Variants in TAFA2 observed in about 807,000 individuals in gnomAD.
TAFA2 encodes the protein TAFA chemokine like family member 2.
In TAFA2, 7 loss-of-function variants were observed where a neutral mutation model predicts 18.8. That is an observed-to-expected ratio of 0.37 (90% CI 0.21 to 0.70). The LOEUF (loss-of-function observed/expected upper bound fraction) is 0.70, where lower values mean the gene tolerates loss of function less well. Among genes scored for constraint, TAFA2 ranks in the 30% least tolerant of loss-of-function variants. The pLI, the probability that TAFA2 is intolerant of heterozygous loss-of-function variation, is 0.53. For synonymous variants in TAFA2, 60 were observed against 54.2 expected, an observed-to-expected ratio of 1.11 and a Z score of -0.47; for missense variants, 122 against 158.1, an observed-to-expected ratio of 0.77 and a Z score of 1.23.
chr12:62,016,452 C>T (rs529574976), intron 1 of TAFA2, among the ~76,000 whole-genome samples: 372 of 152,254 alleles, frequency 2.4e-3, no homozygotes, highest in African/African-American at 8.1e-3. Flanking sequence ...CCTAAGGACA[C>T]AACTGCCAGA....
intron 1 of TAFA2, among the ~76,000 whole-genome samples, chr12:62,033,556 C>A (rs1008858448): frequency 1.1e-4 from 16 of 152,284 alleles, no homozygotes; most frequent in African/African-American, 2.9e-4. Flanking sequence ...TCACCTAATT[C>A]TCTATCCATC....
intron 1 of TAFA2, among the ~76,000 whole-genome samples, chr12:62,095,892 T>C (rs1868928951): frequency 1.3e-5 from 2 of 152,148 alleles, no homozygotes; most frequent in South Asian, 4.1e-4. Flanking sequence ...TGTGAGCATT[T>C]AATATTTAAA....
intron 1 of TAFA2, among the ~76,000 whole-genome samples, chr12:62,243,506 C>G (rs541948742): frequency 6.6e-6 from 1 of 152,268 alleles, no homozygotes; most frequent in South Asian, 2.1e-4. Context: ...AAGGCTACCA[C>G]TTATGGACTG....
chr12:62,096,558 A>C (rs758528497), intron 1 of TAFA2, among the ~76,000 whole-genome samples: 12 of 152,136 alleles, frequency 7.9e-5, no homozygotes, highest in Non-Finnish European at 1.3e-4. Flanking sequence ...TATAAATCCC[A>C]ATTACTATTT....
chr12:61,880,495 C>T, intron 1 of TAFA2: 1 of 531,470 alleles, frequency 1.9e-6, no homozygotes, highest in East Asian at 5.3e-5. Context: ...CTGCCACCTA[C>T]AAGAAGCTGC....
At chr12:61,851,811 A>AAAAAAAAAAAAAT (rs1873672611) in intron 2 of TAFA2, among the ~76,000 whole-genome samples, 1 of 145,646 alleles carries the variant, frequency 6.9e-6, no homozygotes, top group Non-Finnish European at 1.5e-5. Context: ...AAAAAAAAAA[A>AAAAAAAAAAAAAT]AAAAAAACAT....
intron 1 of TAFA2, chr12:61,879,638 A>T (rs1429626529): frequency 2.3e-6 from 2 of 888,048 alleles, no homozygotes; most frequent in Non-Finnish European, 3.8e-6. Flanking sequence ...TGCCTCCTTC[A>T]TCGACAAGGT....
chr12:62,210,185 CTAAATAAA>C (rs56194828), intron 1 of TAFA2, among the ~76,000 whole-genome samples: 297 of 144,430 alleles, frequency 2.1e-3, no homozygotes, highest in East Asian at 7.8e-3. Flanking sequence ...GACTCTGTCT[CTAAATAAA>C]TAAATAAATA....
chr12:61,961,697 T>C (rs1380564909), intron 1 of TAFA2, among the ~76,000 whole-genome samples: 1 of 152,020 alleles, frequency 6.6e-6, no homozygotes, highest in Non-Finnish European at 1.5e-5. Flanking sequence ...GCTATTCCTT[T>C]TACTCCTTCT....
At chr12:62,041,391 A>T (rs997605225) in intron 1 of TAFA2, among the ~76,000 whole-genome samples, 1 of 152,174 alleles carries the variant, frequency 6.6e-6, no homozygotes, top group African/African-American at 2.4e-5. Flanking sequence ...TCCATGAAAA[A>T]AGTTATTAAA....
At chr12:61,857,436 T>C (rs1182349617) in intron 2 of TAFA2, among the ~76,000 whole-genome samples, 2 of 152,224 alleles carry the variant, frequency 1.3e-5, no homozygotes, top group African/African-American at 4.8e-5. Context: ...AAGCTTTATA[T>C]ACTTCTGCAA....
intron 1 of TAFA2, among the ~76,000 whole-genome samples, chr12:62,189,109 G>A (rs1920089): frequency 0.88 from 133,631 of 152,130 alleles, 58,788 homozygotes; most frequent in Middle Eastern, 0.93. Context: ...GACACATATC[G>A]TAGCACTCTA....
intron 1 of TAFA2, among the ~76,000 whole-genome samples, chr12:61,930,403 G>T (rs1320159753): frequency 6.6e-6 from 1 of 152,184 alleles, no homozygotes; most frequent in Non-Finnish European, 1.5e-5. Flanking sequence ...AATAATAGTA[G>T]AAGACATGCA....
In TAFA2 at chr12:61,923,382, C is replaced by T. The variant is rs533570336; in HGVS notation, c.-1-55956G>A. On this transcript the variant is annotated intron_variant, in intron 1 of 4. Transcript: ENST00000416284. Reference sequence around the variant, plus strand: ...CAGGTCCCCCTCTGGGATGAAAGTTCGAGAGGAAGGAACAGGTAGCAATCT... The same window carrying T: ...CAGGTCCCCCTCTGGGATGAAAGTTTGAGAGGAAGGAACAGGTAGCAATCT... Among the ~76,000 whole-genome samples the T allele has an allele frequency of 1.8e-4, 27 of 152,258 alleles. 1 individual carries two copies. Among genetic ancestry groups the T allele is most frequent in the Admixed American group, 1.1e-3 (17 of 15,284 alleles).
At chr12:62,238,769 T>C (rs182342289) in intron 1 of TAFA2, among the ~76,000 whole-genome samples, 10 of 152,324 alleles carry the variant, frequency 6.6e-5, no homozygotes, top group Non-Finnish European at 1.3e-4. Flanking sequence ...CTAAACCTAA[T>C]CTATAATGAC....
At chr12:61,911,193 C>A (rs888479782) in intron 1 of TAFA2, among the ~76,000 whole-genome samples, 1 of 152,128 alleles carries the variant, frequency 6.6e-6, no homozygotes. Flanking sequence ...AAAAAAATAG[C>A]AATTTACCAT....
intron 1 of TAFA2, among the ~76,000 whole-genome samples, chr12:62,177,761 C>T (rs1294123134): frequency 6.6e-6 from 1 of 152,154 alleles, no homozygotes; most frequent in East Asian, 1.9e-4. Flanking sequence ...CCATTATTGA[C>T]TCTTTTCTCT....
At chr12:61,718,895 A>G (rs983762330) in intron 4 of TAFA2, among the ~76,000 whole-genome samples, 1 of 152,218 alleles carries the variant, frequency 6.6e-6, no homozygotes, top group African/African-American at 2.4e-5. Context: ...AAATGAGTTT[A>G]AGATAGTTGG....
chr12:61,972,487 C>T (rs1279749710), intron 1 of TAFA2, among the ~76,000 whole-genome samples: 1 of 151,536 alleles, frequency 6.6e-6, no homozygotes, highest in Non-Finnish European at 1.5e-5. Context: ...TTAAAATCTT[C>T]ACATCTGGAA....
Sources: gnomAD v4.1 joint callset for allele counts (sites outside exome capture counted in the v4.1 genomes callset) on GRCh38, gnomAD v4.1.1 for gene constraint, MANE v1.5 for transcripts, NCBI Gene and HGNC (gene_info 2026-07-23, HGNC 2026-07-21) for gene names.